Variants in TRAPPC9 observed in about 807,000 individuals in gnomAD.
The protein encoded by TRAPPC9 is IKK2 binding protein.
A neutral mutation model predicts 124.0 loss-of-function variants in TRAPPC9; 83 were observed. That is an observed-to-expected ratio of 0.67 (90% CI 0.56 to 0.80). The LOEUF (loss-of-function observed/expected upper bound fraction) is 0.80, where lower values mean the gene tolerates loss of function less well. TRAPPC9 is among the 30% of genes least tolerant of loss of function. The pLI, the probability that TRAPPC9 is intolerant of heterozygous loss-of-function variation, is 0.00. For synonymous variants in TRAPPC9, 638 were observed against 617.5 expected (o/e 1.03, Z -0.49); for missense variants, 1,302 against 1,508.3 (o/e 0.86, Z 2.27).
chr8:140,211,300 T>C (rs967162091), intron 17 of TRAPPC9, among the ~76,000 whole-genome samples: 3 of 152,252 alleles, frequency 2.0e-5, no homozygotes, highest in Admixed American at 6.5e-5. Flanking sequence ...GGCATATGCC[T>C]GTAATTCCAG....
intron 17 of TRAPPC9, 57 bp downstream of exon 17, chr8:140,221,402 C>T (rs2063334164): frequency 3.1e-6 from 5 of 1,610,080 alleles, no homozygotes; most frequent in East Asian, 2.2e-5. Context: ...GCTTCAGAAA[C>T]GGCTTTGCAG....
At chr8:139,797,999 A>T (rs1317043922) in intron 21 of TRAPPC9, among the ~76,000 whole-genome samples, 1 of 152,166 alleles carries the variant, frequency 6.6e-6, no homozygotes, top group African/African-American at 2.4e-5. Flanking sequence ...GAATTTCCAT[A>T]TGAATTTTAG....
At chr8:140,036,771 C>A (rs1163477398) in intron 17 of TRAPPC9, among the ~76,000 whole-genome samples, 1 of 152,150 alleles carries the variant, frequency 6.6e-6, no homozygotes, top group Non-Finnish European at 1.5e-5. Context: ...TCACCTGATG[C>A]CTGGGGTTCC....
chr8:139,803,864 C>T (rs1022500102), intron 21 of TRAPPC9, among the ~76,000 whole-genome samples: 1 of 152,126 alleles, frequency 6.6e-6, no homozygotes, highest in Non-Finnish European at 1.5e-5. Context: ...ATTTCAGTCA[C>T]TTTGGCAGTA....
At chr8:139,954,777 G>C (rs557361877) in intron 19 of TRAPPC9, among the ~76,000 whole-genome samples, 4 of 152,258 alleles carry the variant, frequency 2.6e-5, no homozygotes, top group African/African-American at 7.2e-5. Flanking sequence ...ACATCACAGC[G>C]TGTCAGTGAA....
In TRAPPC9 at chr8:139,918,209, G is replaced by T. The variant is rs759364440; in HGVS notation, c.2811-7909C>A. Reference sequence around the variant, plus strand: ...TATTTCTTCAGTTTGGATTCTGTGAGTTCAGAGAAGGCCAAGGGTTGGAAG... The same window carrying T: ...TATTTCTTCAGTTTGGATTCTGTGATTTCAGAGAAGGCCAAGGGTTGGAAG... On this transcript the variant is annotated intron_variant, in intron 19 of 22. Coordinates refer to ENST00000438773, the MANE Select transcript of TRAPPC9 (RefSeq NM_001160372.4). 3.4e-4 allele frequency among the ~76,000 whole-genome samples: 51 copies of T among 152,236 alleles called. 1 individual carries two copies. The highest frequency in any genetic ancestry group is 1.2e-3 in the Admixed American group (19 of 15,292).
chr8:140,254,070 A>C (rs565835737), intron 15 of TRAPPC9, among the ~76,000 whole-genome samples: 1 of 152,286 alleles, frequency 6.6e-6, no homozygotes, highest in African/African-American at 2.4e-5. Flanking sequence ...CCGCTGAAGT[A>C]GCTGCGTCTC....
chr8:140,366,231 C>A (rs1225746954), intron 8 of TRAPPC9, among the ~76,000 whole-genome samples: 1 of 152,074 alleles, frequency 6.6e-6, no homozygotes, highest in Non-Finnish European at 1.5e-5. Context: ...AATGAACACA[C>A]CTGTCCATGT....
chr8:139,885,670 C>A (rs181688528), intron 21 of TRAPPC9, among the ~76,000 whole-genome samples: 100 of 152,356 alleles, frequency 6.6e-4, no homozygotes, highest in African/African-American at 2.1e-3. Flanking sequence ...GAGTGCTGAG[C>A]TGCCCGCCTA....
chr8:140,275,568 A>T, intron 15 of TRAPPC9, 90 bp downstream of exon 15: 1 of 1,444,246 alleles, frequency 6.9e-7, no homozygotes, highest in Non-Finnish European at 9.7e-7. Context: ...AGAAGTTTTT[A>T]GATTCTCTGA....
chr8:140,109,552 T>C (rs1010029766), intron 17 of TRAPPC9, among the ~76,000 whole-genome samples: 1 of 152,166 alleles, frequency 6.6e-6, no homozygotes, highest in Non-Finnish European at 1.5e-5. Context: ...AAAAAAATAC[T>C]ATACAATTTA....
chr8:139,729,944 A>C lies in TRAPPC9; in HGVS notation c.*1117T>G, dbSNP rs555870056. Among the ~76,000 whole-genome samples the C allele has an allele frequency of 6.6e-6, 1 of 152,234 alleles. No homozygotes were observed. The highest frequency in any genetic ancestry group is 2.4e-5 in the African/African-American group (1 of 41,556). The stretch of plus-strand genomic sequence containing the variant: ...ATCCTCCCTGGGACCTGGGGAGCTA[A>C]GGGTCAACACAGCCAGAAGCCTGCC... On this transcript the variant is annotated 3_prime_UTR_variant, in exon 23 of 23. Coordinates refer to ENST00000438773, the MANE Select transcript of TRAPPC9 (RefSeq NM_001160372.4).
chr8:139,754,893 T>A (rs117265222), intron 21 of TRAPPC9, among the ~76,000 whole-genome samples: 1 of 152,334 alleles, frequency 6.6e-6, no homozygotes, highest in East Asian at 1.9e-4. Flanking sequence ...CACTTCCTCA[T>A]CTGTCAAACG....
intron 21 of TRAPPC9, among the ~76,000 whole-genome samples, chr8:139,773,578 C>T (rs1288199432): frequency 6.6e-6 from 1 of 152,158 alleles, no homozygotes; most frequent in African/African-American, 2.4e-5. Context: ...CTGCTTCCTG[C>T]TCACCACACC....
At chr8:140,085,278 CT>C (rs1844112089) in intron 17 of TRAPPC9, among the ~76,000 whole-genome samples, 1 of 150,688 alleles carries the variant, frequency 6.6e-6, no homozygotes, top group Non-Finnish European at 1.5e-5. Context: ...ACCACTTGCC[CT>C]TATTTTACAC....
intron 20 of TRAPPC9, among the ~76,000 whole-genome samples, chr8:139,900,565 A>G (rs1000488462): frequency 5.3e-5 from 8 of 152,192 alleles, no homozygotes; most frequent in African/African-American, 1.9e-4. Context: ...TATTTAATCA[A>G]TATTTGTACA....
At chr8:140,284,588 T>G (rs1011644651) in intron 13 of TRAPPC9, among the ~76,000 whole-genome samples, 7 of 152,228 alleles carry the variant, frequency 4.6e-5, no homozygotes, top group Admixed American at 2.0e-4. Flanking sequence ...GATAATCACT[T>G]GAAATTGTTT....
intron 16 of TRAPPC9, among the ~76,000 whole-genome samples, chr8:140,229,177 G>T (rs566258417): frequency 6.6e-6 from 1 of 151,594 alleles, no homozygotes; most frequent in South Asian, 2.1e-4. Flanking sequence ...GAAAAGAATG[G>T]GAAACACAGA....
intron 19 of TRAPPC9, among the ~76,000 whole-genome samples, chr8:139,941,901 T>C (rs1833942755): frequency 6.6e-6 from 1 of 152,288 alleles, no homozygotes; most frequent in South Asian, 2.1e-4. Context: ...TGCCAGAGCA[T>C]ATCTGAAGGA....
Sources: allele counts gnomAD v4.1 joint callset (sites outside exome capture counted in the v4.1 genomes callset), GRCh38; gene constraint gnomAD v4.1.1; transcripts MANE v1.5; gene names NCBI Gene and HGNC (gene_info 2026-07-23, HGNC 2026-07-21).